Variants in COL8A1 observed in about 807,000 individuals in gnomAD.
The protein encoded by COL8A1 is collagen alpha-1(VIII) chain.
A neutral mutation model predicts 42.7 loss-of-function variants in COL8A1; 21 were observed. The observed-to-expected ratio is 0.49, with a 90% CI of 0.35 to 0.71. The LOEUF is 0.71. Ranked by LOEUF, COL8A1 falls within the 30% of genes least tolerant of loss-of-function variation. COL8A1 has a pLI of 0.01. For missense variants in COL8A1, 788 were observed against 962.4 expected (o/e 0.82, Z 2.40); for synonymous variants, 367 against 369.1 (o/e 0.99, Z 0.06).
intron 1 of COL8A1, among the ~76,000 whole-genome samples, chr3:99,733,993 GTTGT>G (rs1187563234): frequency 2.4e-4 from 36 of 152,108 alleles, no homozygotes; most frequent in African/African-American, 8.2e-4. Flanking sequence ...TTTTGATGGG[GTTGT>G]TTGTTTCTTT....
At chr3:99,684,130 T>C (rs1938976781) in intron 1 of COL8A1, among the ~76,000 whole-genome samples, 1 of 152,274 alleles carries the variant, frequency 6.6e-6, no homozygotes, top group South Asian at 2.1e-4. Flanking sequence ...GCCTGTCATG[T>C]AGCAGGTGAT....
intron 1 of COL8A1, among the ~76,000 whole-genome samples, chr3:99,712,565 C>T (rs1939868802): frequency 2.0e-5 from 3 of 152,124 alleles, no homozygotes; most frequent in African/African-American, 4.8e-5. Context: ...ATATGAAACA[C>T]AACATTTCCT....
intron 1 of COL8A1, among the ~76,000 whole-genome samples, chr3:99,662,727 C>A (rs1938245700): frequency 6.6e-6 from 1 of 152,170 alleles, no homozygotes; most frequent in East Asian, 1.9e-4. Context: ...GAGAAAATAT[C>A]TGTTCCATGC....
At chr3:99,775,391 T>G (rs1480523669) in intron 2 of COL8A1, among the ~76,000 whole-genome samples, 1 of 152,138 alleles carries the variant, frequency 6.6e-6, no homozygotes, top group Non-Finnish European at 1.5e-5. Context: ...TTTGGCAAGA[T>G]ATGGGAAAAG....
At chr3:99,722,247 T>G (rs1940176916) in intron 1 of COL8A1, among the ~76,000 whole-genome samples, 1 of 152,144 alleles carries the variant, frequency 6.6e-6, no homozygotes, top group Non-Finnish European at 1.5e-5. Flanking sequence ...CACATCCATG[T>G]GAATAAGAGA....
intron 2 of COL8A1, among the ~76,000 whole-genome samples, chr3:99,763,754 C>T (rs1177736553): frequency 6.6e-6 from 1 of 152,170 alleles, no homozygotes; most frequent in African/African-American, 2.4e-5. Context: ...AGGTGGTCTA[C>T]CACCCAAGGA....
intron 1 of COL8A1, chr3:99,679,779 T>A (rs1289425360): frequency 6.6e-6 from 1 of 152,192 alleles, no homozygotes; most frequent in Non-Finnish European, 1.5e-5. Context: ...GTTTCTGGCA[T>A]GGCAGTGACC....
intron 1 of COL8A1, among the ~76,000 whole-genome samples, chr3:99,720,626 G>T (rs1047338152): frequency 5.9e-5 from 9 of 152,050 alleles, no homozygotes. Flanking sequence ...AACATATCAT[G>T]CAAGCTGACA....
At chr3:99,710,739 A>C (rs1031391024) in intron 1 of COL8A1, among the ~76,000 whole-genome samples, 3 of 152,304 alleles carry the variant, frequency 2.0e-5, no homozygotes, top group East Asian at 3.9e-4. Flanking sequence ...TAGATGAGAC[A>C]GGGTTAGAGA....
At chr3:99,765,149 A>G (rs1046195984) in intron 2 of COL8A1, among the ~76,000 whole-genome samples, 5 of 152,234 alleles carry the variant, frequency 3.3e-5, no homozygotes, top group Non-Finnish European at 5.9e-5. Context: ...GTAACAAGTT[A>G]CATTATGAAA....
rs116618625 is a variant in COL8A1, at chr3:99,705,158, G to C, written c.-128-39739G>C. Among the ~76,000 whole-genome samples the C allele has an allele frequency of 7.4e-3, 1,132 of 152,246 alleles. 9 individuals are homozygous for C. Among genetic ancestry groups the C allele is most frequent in the Non-Finnish European group, 0.011 (778 of 68,014 alleles). ...GCCCCCGCAAAACAAAGTAATGGTAGAGTTATTTAATTCAAAAACCCAGTT... is the reference window on the plus strand; with the variant it reads ...GCCCCCGCAAAACAAAGTAATGGTACAGTTATTTAATTCAAAAACCCAGTT... On this transcript the variant is annotated intron_variant, in intron 1 of 3. Coordinates refer to ENST00000652472, the MANE Select transcript of COL8A1 (RefSeq NM_020351.4).
chr3:99,785,427 A>G (rs554787640), intron 2 of COL8A1, among the ~76,000 whole-genome samples: 1 of 152,344 alleles, frequency 6.6e-6, no homozygotes, highest in African/African-American at 2.4e-5. Flanking sequence ...AGAAAAAAAC[A>G]TAAGCTTGGT....
intron 1 of COL8A1, among the ~76,000 whole-genome samples, chr3:99,687,550 C>T (rs1242815001): frequency 1.3e-5 from 2 of 152,140 alleles, no homozygotes; most frequent in Non-Finnish European, 1.5e-5. Context: ...CGGATGTGCA[C>T]ACCAGAGCAC....
intron 2 of COL8A1, among the ~76,000 whole-genome samples, chr3:99,765,845 A>G (rs981874531): frequency 6.6e-6 from 1 of 152,224 alleles, no homozygotes; most frequent in Non-Finnish European, 1.5e-5. Context: ...CTGATGCCTT[A>G]TCAAAATTAC....
chr3:99,780,242 A>G (rs1941770548), intron 2 of COL8A1, among the ~76,000 whole-genome samples: 1 of 152,236 alleles, frequency 6.6e-6, no homozygotes, highest in Admixed American at 6.5e-5. Context: ...GCAATTTATC[A>G]AAAAGAAACC....
At position 99,796,405 on chromosome 3, in the gene COL8A1, T is replaced by C. The variant is rs908541543; in HGVS notation, c.*269T>C. 4 of 300,416 alleles carry C rather than the reference T, an allele frequency of 1.3e-5. No homozygotes were observed. Among genetic ancestry groups the C allele is most frequent in the Non-Finnish European group, 2.5e-5 (4 of 161,730 alleles). The allele number at this position is 300,416 out of a possible 1,614,324, so 18.6% of individuals were successfully genotyped here. A position where few individuals can be genotyped will look rare whatever the true frequency, so the allele number is the denominator to read the frequency against. On this transcript the variant is annotated 3_prime_UTR_variant, in exon 4 of 4. Transcript: ENST00000652472. ...TACCCACTGGAATCATATTAGCTGTTTTATGTTATATGCTTCCACAGTAAC... is the reference window on the plus strand; with the variant it reads ...TACCCACTGGAATCATATTAGCTGTCTTATGTTATATGCTTCCACAGTAAC...
chr3:99,701,800 T>C (rs1243377215), intron 1 of COL8A1, among the ~76,000 whole-genome samples: 2 of 152,216 alleles, frequency 1.3e-5, no homozygotes, highest in East Asian at 3.8e-4. Context: ...TATTTCTTAA[T>C]TGGAGACAGG....
At chr3:99,729,934 C>T (rs670070) in intron 1 of COL8A1, among the ~76,000 whole-genome samples, 4,295 of 152,160 alleles carry the variant, frequency 0.028, 86 homozygotes, top group Non-Finnish European at 0.041. Flanking sequence ...CTATGGAAAC[C>T]TTGTGCCCAA....
At chr3:99,658,649 C>A (rs902875288) in intron 1 of COL8A1, among the ~76,000 whole-genome samples, 3 of 152,122 alleles carry the variant, frequency 2.0e-5, no homozygotes, top group Non-Finnish European at 4.4e-5. Flanking sequence ...GGAAGGATAA[C>A]AAATGATATT....
Sources: allele counts gnomAD v4.1 joint callset (sites outside exome capture counted in the v4.1 genomes callset), GRCh38; gene constraint gnomAD v4.1.1; transcripts MANE v1.5; gene names NCBI Gene and HGNC (gene_info 2026-07-23, HGNC 2026-07-21).